The following COL16A1 variants were observed in gnomAD, a reference collection of about 807,000 sequenced individuals.
COL16A1 encodes collagen type XVI alpha 1 chain.
In COL16A1, 189 loss-of-function variants were observed where a neutral mutation model predicts 266.3. That is an observed-to-expected ratio of 0.71 (90% CI 0.63 to 0.80). The LOEUF is 0.80. Among genes scored for constraint, COL16A1 ranks in the 30% least tolerant of loss-of-function variants. The pLI is 0.00. For missense variants in COL16A1, 1,928 were observed against 2,122.4 expected (o/e 0.91, Z 1.80); for synonymous variants, 740 against 782.3 (o/e 0.95, Z 0.90).
Position 31,657,355 on chromosome 1 carries a change from T to G in COL16A1, c.4021-287A>C. ...GCTGTGTGCTTGGATCCTGGCACCT[T>G]GCACACTCCCTGGCTCTGAATCTAT... On this transcript the variant is annotated intron_variant, in intron 64 of 70. Coordinates refer to ENST00000373672, the MANE Select transcript of COL16A1 (RefSeq NM_001856.4). The surrounding 1 kb of genome is among the most constrained non-coding windows in gnomAD (Gnocchi z 6.4). 1 of 510,132 alleles carries G rather than the reference T, an allele frequency of 2.0e-6. No homozygotes were observed. The highest frequency in any genetic ancestry group is 3.5e-6 in the Non-Finnish European group (1 of 283,196). 31.6% of individuals were successfully genotyped at this position (510,132 alleles called of 1,614,324 possible).
intron 39 of COL16A1, 44 bp from the exon 40 acceptor site, chr1:31,680,145 G>A (rs777949654): frequency 1.9e-6 from 3 of 1,598,848 alleles, no homozygotes; most frequent in African/African-American, 1.3e-5. Flanking sequence ...GAAGACGAAG[G>A]GCTCTCTTGA....
At chr1:31,696,896 C>A in intron 8 of COL16A1, 67 bp downstream of exon 8, 7 of 1,599,368 alleles carry the variant, frequency 4.4e-6, no homozygotes, top group Non-Finnish European at 6.0e-6. Flanking sequence ...AGACGTCAGT[C>A]AGCTCAGGGG....
chr1:31,652,441 G>T lies in COL16A1; in HGVS notation c.*210C>A. ...TTCCTGGGACTAAACGGGAAAAGGAGGGCAACAGGGAGCTCTGGCTGCAGC... is the reference window on the plus strand; with the variant it reads ...TTCCTGGGACTAAACGGGAAAAGGATGGCAACAGGGAGCTCTGGCTGCAGC... On this transcript the variant is annotated 3_prime_UTR_variant, in exon 71 of 71. Coordinates refer to ENST00000373672, the MANE Select transcript of COL16A1 (RefSeq NM_001856.4). This position sits in a 1 kb window ranked among gnomAD's most constrained non-coding sequence, Gnocchi z 4.8. 2.0e-6 allele frequency: 1 copy of T among 494,300 alleles called. No individual in the cohort carries two copies. Among genetic ancestry groups the T allele is most frequent in the Non-Finnish European group, 3.2e-6 (1 of 309,252 alleles). 30.6% of individuals were successfully genotyped at this position (494,300 alleles called of 1,614,324 possible).
At chr1:31,682,454 G>A (rs1290462174) in intron 37 of COL16A1, among the ~76,000 whole-genome samples, 2 of 152,172 alleles carry the variant, frequency 1.3e-5, no homozygotes, top group Admixed American at 1.3e-4. Context: ...CACATTTCAG[G>A]TGCACTCAAC....
Position 31,658,834 on chromosome 1 carries a change from C to G in COL16A1, c.3930+80G>C. ...ATGAGACAAACTGTTCTCCATCCCCCCAGCTTCCTCTGAATGGAGCCCACA... is the reference window on the plus strand; with the variant it reads ...ATGAGACAAACTGTTCTCCATCCCCGCAGCTTCCTCTGAATGGAGCCCACA... On this transcript the variant is annotated intron_variant, in intron 63 of 70. Coordinates refer to ENST00000373672, the MANE Select transcript of COL16A1 (RefSeq NM_001856.4). 2.0e-6 allele frequency: 3 copies of G among 1,485,628 alleles called. No individual in the cohort carries two copies. The South Asian group carries it at 3.6e-5, about 18-fold the overall frequency. 92.0% of individuals were successfully genotyped at this position (1,485,628 alleles called of 1,614,324 possible). A position where few individuals can be genotyped will look rare whatever the true frequency, so the allele number is the denominator to read the frequency against.
At chr1:31,660,532 C>A (rs1641558579) in intron 62 of COL16A1, 53 bp downstream of exon 62, 1 of 1,603,470 alleles carries the variant, frequency 6.2e-7, no homozygotes, top group Non-Finnish European at 8.5e-7. Flanking sequence ...CACCAACCAC[C>A]CCGCCAAAAT....
chr1:31,676,969 C>A (rs1643239583), intron 42 of COL16A1, among the ~76,000 whole-genome samples: 1 of 152,266 alleles, frequency 6.6e-6, no homozygotes, highest in Non-Finnish European at 1.5e-5. Flanking sequence ...AGGCCTGGGT[C>A]AGACCCGGAG....
chr1:31,672,690 C>T, intron 45 of COL16A1, 34 bp downstream of exon 45: 2 of 1,611,012 alleles, frequency 1.2e-6, no homozygotes, highest in Non-Finnish European at 1.7e-6. Flanking sequence ...AGGGAACCCT[C>T]CTGCATAGGG....
chr1:31,671,311 G>A (rs538010752), intron 48 of COL16A1, among the ~76,000 whole-genome samples: 5 of 152,324 alleles, frequency 3.3e-5, no homozygotes, highest in East Asian at 1.9e-4. Flanking sequence ...GCCCCCTGCC[G>A]AGGGCGGCCT....
chr1:31,690,337 C>T, intron 22 of COL16A1, 30 bp downstream of exon 22: 1 of 1,613,090 alleles, frequency 6.2e-7, no homozygotes, highest in African/African-American at 1.3e-5. Flanking sequence ...CGTTCCCACC[C>T]CGATCTGGGC....
chr1:31,677,239 C>T (rs1643268564), intron 42 of COL16A1, among the ~76,000 whole-genome samples: 1 of 152,164 alleles, frequency 6.6e-6, no homozygotes, highest in South Asian at 2.1e-4. Context: ...GCATGCACCA[C>T]AAAACCCGGT....
intron 63 of COL16A1, 77 bp from the exon 64 acceptor site, chr1:31,658,654 C>A (rs970795166): frequency 7.5e-7 from 1 of 1,334,498 alleles, no homozygotes; most frequent in East Asian, 2.4e-5. Flanking sequence ...GAGACAGACA[C>A]CCCATCGTGT....
Position 31,697,371 on chromosome 1 carries a change from C to T in COL16A1, c.658-71G>A. On this transcript the variant is annotated intron_variant, in intron 6 of 70. Transcript: ENST00000373672. The surrounding 1 kb of genome is among the most constrained non-coding windows in gnomAD (Gnocchi z 4.2). Reference sequence around the variant, plus strand: ...CTCTGTGTCCTGGCCCCCCAGGAGGCACAGAGATGTCTCTGCCCCAGGATG... The same window carrying T: ...CTCTGTGTCCTGGCCCCCCAGGAGGTACAGAGATGTCTCTGCCCCAGGATG... The T allele has an allele frequency of 6.9e-7, 1 of 1,440,402 alleles. No homozygotes were observed. Among genetic ancestry groups the T allele is most frequent in the Admixed American group, 2.0e-5 (1 of 49,490 alleles). 89.2% of individuals were successfully genotyped at this position (1,440,402 alleles called of 1,614,324 possible).
At chr1:31,661,503 G>C in intron 59 of COL16A1, 45 bp from the exon 60 acceptor site, 1 of 1,614,070 alleles carries the variant, frequency 6.2e-7, no homozygotes, top group Non-Finnish European at 8.5e-7. Context: ...ATGTCAGCTG[G>C]GGGCCTCTTC....
intron 2 of COL16A1, among the ~76,000 whole-genome samples, chr1:31,701,193 C>A (rs1302571025): frequency 2.6e-5 from 4 of 152,156 alleles, no homozygotes; most frequent in African/African-American, 9.7e-5. Context: ...GTCAGAAAGA[C>A]CATCACTGTC....
chr1:31,690,244 C>T lies in COL16A1; in HGVS notation c.1509+123G>A, dbSNP rs552439048. 160 of 1,452,024 alleles carry T rather than the reference C, an allele frequency of 1.1e-4. 2 individuals carry two copies. In the South Asian group the frequency reaches 1.6e-3, roughly 14 times the overall value. 89.9% of individuals were successfully genotyped at this position (1,452,024 alleles called of 1,614,324 possible). A position where few individuals can be genotyped will look rare whatever the true frequency, so the allele number is the denominator to read the frequency against. ...CTGCACATGGACATCAGAGGAAGAACGGGTGGGGGTCCCCTGAGGAAGGTC... is the reference window on the plus strand; with the variant it reads ...CTGCACATGGACATCAGAGGAAGAATGGGTGGGGGTCCCCTGAGGAAGGTC... On this transcript the variant is annotated intron_variant, in intron 22 of 70. Transcript: ENST00000373672.
intron 52 of COL16A1, 83 bp from the exon 53 acceptor site, chr1:31,666,164 A>G (rs1642126777): frequency 9.9e-6 from 14 of 1,418,522 alleles, no homozygotes; most frequent in Admixed American, 4.3e-5. Context: ...GGGACTGCCC[A>G]GAACAGAGGT....
At position 31,699,970 on chromosome 1, in the gene COL16A1, G is replaced by A. The variant is rs1423695905; in HGVS notation, c.149-40C>T. 4 of 1,601,884 alleles carry A rather than the reference G, an allele frequency of 2.5e-6. No homozygotes were observed. The African/African-American group carries it at 5.4e-5, about 21-fold the overall frequency. ...TCAGGTGAAGAGCTCAGCTGAGCAG[G>A]TGGAGAGGGGTACAGATCACTCCCA... On this transcript the variant is annotated intron_variant, in intron 3 of 70. Coordinates refer to ENST00000373672, the MANE Select transcript of COL16A1 (RefSeq NM_001856.4).
chr1:31,666,697 C>T (rs982688190), intron 52 of COL16A1, among the ~76,000 whole-genome samples: 2 of 152,098 alleles, frequency 1.3e-5, no homozygotes, highest in African/African-American at 4.8e-5. Context: ...CTCTGGAATT[C>T]CCCAGTACAG....
Sources: allele counts gnomAD v4.1 joint callset (sites outside exome capture counted in the v4.1 genomes callset), GRCh38; gene constraint gnomAD v4.1.1; non-coding constraint Gnocchi (gnomAD v3.1); transcripts MANE v1.5; gene names NCBI Gene and HGNC (gene_info 2026-07-23, HGNC 2026-07-21).